Variants in CHD4 observed in about 807,000 individuals in gnomAD.
The protein encoded by CHD4 is chromodomain helicase DNA binding protein 4, also known as ATP-dependent chromatin remodeler CHD4.
A neutral mutation model predicts 235.5 loss-of-function variants in CHD4; 35 were observed. The observed-to-expected ratio is 0.15, with a 90% CI of 0.11 to 0.20. The LOEUF is 0.20. Among genes scored for constraint, CHD4 ranks in the 10% least tolerant of loss-of-function variants. CHD4 has a pLI of 1.00. For missense variants in CHD4, 1,329 were observed against 2,432.3 expected, an observed-to-expected ratio of 0.55 and a Z score of 9.54; for synonymous variants, 900 against 850.2, an observed-to-expected ratio of 1.06 and a Z score of -1.02.
intron 14 of CHD4, 108 bp from the exon 15 acceptor site, chr12:6,594,758 G>T: frequency 9.8e-7 from 1 of 1,016,064 alleles, no homozygotes. Context: ...TTGGGGAAGA[G>T]CTCCGGAAAA....
At chr12:6,596,181 C>A in intron 12 of CHD4, 44 bp from the exon 13 acceptor site, 1 of 1,607,400 alleles carries the variant, frequency 6.2e-7, no homozygotes, top group Non-Finnish European at 8.5e-7. Context: ...GAAAAGGCAA[C>A]CCTCCTCACT....
chr12:6,585,873 G>A (rs572163642), intron 25 of CHD4, among the ~76,000 whole-genome samples: 30 of 151,740 alleles, frequency 2.0e-4, no homozygotes, highest in African/African-American at 6.3e-4. Flanking sequence ...CGAGGCAGGC[G>A]GATCACTTGA....
rs1352766283 is a variant in CHD4, at chr12:6,583,035, C to T, written c.4139G>A (p.Arg1380His). 2.5e-6 allele frequency: 4 copies of T among 1,573,276 alleles called. No homozygotes were observed. Among genetic ancestry groups the T allele is most frequent in the East Asian group, 2.2e-5 (1 of 44,594 alleles). Residue 1380 changes from arginine to histidine, a missense_variant, in exon 27 of 40, where the codon CGT becomes CAT. Physicochemically the swap from Arg to His is conservative, Grantham distance 29 (BLOSUM62 0). Transcript: ENST00000544040. Reference protein sequence around the residue: ...SEEGDEDFDERSEAPRRPSRK... With the variant: ...SEEGDEDFDEHSEAPRRPSRK... ...AAAAGCACAGCCCTCACCTTCTGAA[C>T]GTTCATCAAAGTCTTCATCACCTTC...
In CHD4 at chr12:6,582,922, T is replaced by C. The variant is rs1236709688; in HGVS notation, c.4162A>G (p.Ser1388Gly). 6.2e-7 allele frequency: 1 copy of C among 1,613,990 alleles called. No individual in the cohort carries two copies. The highest frequency in any genetic ancestry group is 2.2e-5 in the East Asian group (1 of 44,884). ...DERSEAPRRP[S>G]RKGLRNDKDK... ...TTATCATTCCGCAGGCCCTTACGAC[T>C]GGGCCTACGGGGAGCTGCAAGAAGA... The change falls in exon 28 of 40, where the codon AGT (serine) becomes GGT (glycine). Residue 1388 changes from serine (S) to glycine (G), a missense_variant. By Grantham distance (56) the Ser-to-Gly change is moderately conservative. This residue lies in a region of CHD4 where 46 missense variants were observed against 85.6 expected (regional missense o/e 0.54). Coordinates refer to ENST00000544040, the MANE Select transcript of CHD4 (RefSeq NM_001273.5).
At position 6,603,570 on chromosome 12, in the gene CHD4, G is replaced by C. The variant is rs1198075818; in HGVS notation, c.101-1073C>G. Among the ~76,000 whole-genome samples the C allele has an allele frequency of 3.3e-5, 5 of 151,670 alleles. No homozygotes were observed. The East Asian group carries it at 7.7e-4, about 23-fold the overall frequency. On this transcript the variant is annotated intron_variant, in intron 2 of 39. Transcript: ENST00000544040. Reference sequence around the variant, plus strand: ...GGTTTGAGAGAGGTGGGGTGGCGGGGGGGGAGACTGCCCTCATAGAAGCCT... The same window carrying C: ...GGTTTGAGAGAGGTGGGGTGGCGGGCGGGGAGACTGCCCTCATAGAAGCCT...
chr12:6,572,841 T>C, intron 38 of CHD4: 1 of 373,700 alleles, frequency 2.7e-6, no homozygotes, highest in Admixed American at 5.3e-5. Context: ...ATTAGAGGCG[T>C]GAGCCACCGC....
At chr12:6,592,998 C>T (rs2136214990) in intron 17 of CHD4, 93 bp downstream of exon 17, 1 of 1,555,396 alleles carries the variant, frequency 6.4e-7, no homozygotes, top group Non-Finnish European at 8.7e-7. Flanking sequence ...ATTTTCCCCT[C>T]TCCTCTCCAT....
chr12:6,592,820 G>T lies in CHD4; in HGVS notation c.2653-3C>A. The T allele has an allele frequency of 6.2e-7, 1 of 1,607,714 alleles. No individual in the cohort carries two copies. On this transcript the variant is annotated splice_region_variant and splice_polypyrimidine_tract_variant and intron_variant, in intron 17 of 39. Transcript: ENST00000544040. ...TAACCATTCAATACCCGGAAGAACT[G>T]GTGAAGCAGATGGAGAAAGGTGAAA...
intron 33 of CHD4, chr12:6,580,808 A>G: frequency 2.0e-6 from 1 of 502,544 alleles, no homozygotes; most frequent in Non-Finnish European, 3.5e-6. Context: ...GGAGATTTAG[A>G]CCAGCCTGGC....
intron 11 of CHD4, 26 bp downstream of exon 11, chr12:6,598,196 A>G: frequency 6.2e-7 from 1 of 1,609,122 alleles, no homozygotes; most frequent in Non-Finnish European, 8.5e-7. Flanking sequence ...CGTAGCCCCT[A>G]CATCTCCAGA....
Position 6,598,328 on chromosome 12 carries a change from G to C in CHD4, c.1580C>G (p.Pro527Arg). The stretch of plus-strand genomic sequence containing the variant: ...CAAGGGCTTTGGGGAGGGCGTGTTG[G>C]GATCAGCATCTGGAGGCCGAGGCAC... Reference protein sequence around the residue: ...TPVPRPPDADPNTPSPKPLEG... With the variant: ...TPVPRPPDADRNTPSPKPLEG... Residue 527 changes from proline to arginine, a missense_variant, in exon 11 of 40, where the codon CCC becomes CGC. Pro to Arg is a moderately radical substitution (Grantham distance 103). Coordinates refer to ENST00000544040, the MANE Select transcript of CHD4 (RefSeq NM_001273.5). The C allele has an allele frequency of 1.2e-6, 2 of 1,614,146 alleles. No homozygotes were observed. The highest frequency in any genetic ancestry group is 1.7e-6 in the Non-Finnish European group (2 of 1,180,000).
chr12:6,571,113 A>G, intron 38 of CHD4, 81 bp from the exon 39 acceptor site: 1 of 1,507,816 alleles, frequency 6.6e-7, no homozygotes, highest in South Asian at 1.2e-5. Flanking sequence ...GCCCCCCATC[A>G]CTTCTCAGTG....
At chr12:6,571,060 G>A (rs914049980) in intron 38 of CHD4, 28 bp from the exon 39 acceptor site, 6 of 1,610,308 alleles carry the variant, frequency 3.7e-6, no homozygotes, top group Non-Finnish European at 4.2e-6. Flanking sequence ...GAGGTGGTGA[G>A]CTGTGGTGGC....
rs149936307 is a variant in CHD4 at position 6,587,830 on chromosome 12, C to G, written c.3585G>C (p.Thr1195=). Reference sequence around the variant, plus strand: ...CCAGCCCAGGCCGCACCACTAGATGCGTCAGCATCATTTTCTTCTTTGCCA... The same window carrying G: ...CCAGCCCAGGCCGCACCACTAGATGGGTCAGCATCATTTTCTTCTTTGCCA... ...TQVAKKKMML[T]HLVVRPGLGS... is the part of the protein sequence containing the mutation. The change falls in exon 24 of 40, where the codon ACG becomes ACC. Residue 1195 remains threonine (T), a synonymous_variant. Transcript: ENST00000544040. The G allele has an allele frequency of 6.2e-6, 10 of 1,614,102 alleles. No individual in the cohort carries two copies. Among genetic ancestry groups the G allele is most frequent in the African/African-American group, 1.3e-5 (1 of 74,944 alleles).
In CHD4 at chr12:6,593,568, T is replaced by G; in HGVS notation, c.2362A>C (p.Ile788Leu). ...FLVSAPLSTI[I>L]NWEREFEMWA... is the part of the protein sequence containing the mutation. ...ATTTCAAACTCCCGCTCCCAGTTGA[T>G]GATGGTAGAAAGAGGGGCGCTCACT... The change falls in exon 16 of 40, where the codon ATC (isoleucine) becomes CTC (leucine). Residue 788 changes from isoleucine (I) to leucine (L), a missense_variant. Physicochemically the swap from Ile to Leu is conservative, Grantham distance 5. Coordinates refer to ENST00000544040, the MANE Select transcript of CHD4 (RefSeq NM_001273.5). The surrounding 1 kb of genome is among the most constrained non-coding windows in gnomAD (Gnocchi z 4.9). 1 of 1,614,110 alleles carries G rather than the reference T, an allele frequency of 6.2e-7. No individual in the cohort carries two copies. Among genetic ancestry groups the G allele is most frequent in the Non-Finnish European group, 8.5e-7 (1 of 1,180,030 alleles).
At chr12:6,582,974 G>A (rs112128909) in intron 27 of CHD4, 38 bp from the exon 28 acceptor site, 5 of 1,601,574 alleles carry the variant, frequency 3.1e-6, no homozygotes, top group African/African-American at 2.7e-5. Flanking sequence ...ACACAGGTAG[G>A]ATATTAAACA....
At chr12:6,589,679 A>C (rs577440353) in intron 22 of CHD4, among the ~76,000 whole-genome samples, 1 of 152,030 alleles carries the variant, frequency 6.6e-6, no homozygotes, top group Admixed American at 6.6e-5. Flanking sequence ...AGGCAGCAGA[A>C]TGGCTTGAAC....
intron 37 of CHD4, among the ~76,000 whole-genome samples, chr12:6,576,941 C>CTT (rs571716589): frequency 2.7e-5 from 4 of 146,644 alleles, no homozygotes; most frequent in Admixed American, 6.9e-5. Context: ...ACAGACACGT[C>CTT]TTTTTTTTTT....
chr12:6,582,640 G>T lies in CHD4; in HGVS notation c.4345C>A (p.Arg1449=). ...TTGAACTCTTTCTCTGATTTGCCTC[G>T]CAGGTCTCTTACAAGCCACTGGGTA... is the stretch of plus-strand genomic sequence containing the variant. ...FTTQWLVRDL[R]GKSEKEFKAY... is the part of the protein sequence containing the mutation. The change falls in exon 29 of 40, where the codon CGA becomes AGA. Residue 1449 remains arginine (R), a synonymous_variant. Coordinates refer to ENST00000544040, the MANE Select transcript of CHD4 (RefSeq NM_001273.5). The T allele has an allele frequency of 1.2e-6, 2 of 1,613,556 alleles. No homozygotes were observed. The highest frequency in any genetic ancestry group is 1.7e-6 in the Non-Finnish European group (2 of 1,179,696).
Sources: allele counts gnomAD v4.1 joint callset (sites outside exome capture counted in the v4.1 genomes callset), GRCh38; gene constraint gnomAD v4.1.1; regional missense constraint gnomAD v4.1.1; non-coding constraint Gnocchi (gnomAD v3.1); transcripts MANE v1.5; gene names NCBI Gene and HGNC (gene_info 2026-07-23, HGNC 2026-07-21).